Variants in EVL observed in about 807,000 individuals in gnomAD.
EVL encodes the protein ena/VASP-like protein.
EVL carries 21 observed loss-of-function variants against 59.6 expected under a neutral mutation model. That is an observed-to-expected ratio of 0.35 (90% confidence interval 0.25 to 0.51). EVL has a LOEUF of 0.51. Ranked by LOEUF, EVL falls within the 20% of genes least tolerant of loss-of-function variation. The pLI is 0.97. For missense variants in EVL, 462 were observed against 546.6 expected, an observed-to-expected ratio of 0.85 and a Z score of 1.54; for synonymous variants, 198 against 203.5, an observed-to-expected ratio of 0.97 and a Z score of 0.23.
rs545991176 is a variant in EVL, at chr14:99,972,620, C to T, written c.5+563C>T. 6.6e-6 allele frequency among the ~76,000 whole-genome samples: 1 copy of T among 152,076 alleles called. No homozygotes were observed. Among genetic ancestry groups the T allele is most frequent in the Non-Finnish European group, 1.5e-5 (1 of 68,010 alleles). The stretch of plus-strand genomic sequence containing the variant: ...AACCCCCCTTTTTTTTCTTCTTGCA[C>T]GCCAGTAAAGTGCAAGGCCCCCAAA... On this transcript the variant is annotated intron_variant, in intron 1 of 13. Coordinates refer to the EVL transcript ENST00000402714. The surrounding 1 kb of genome is among the most constrained non-coding windows in gnomAD (Gnocchi z 4.4).
intron 2 of EVL, among the ~76,000 whole-genome samples, chr14:100,088,614 G>A (rs1176199809): frequency 6.6e-6 from 1 of 152,142 alleles, no homozygotes; most frequent in Non-Finnish European, 1.5e-5. Flanking sequence ...CATAGAAAAA[G>A]TATAGTAAAA....
chr14:99,977,251 G>A (rs2060776316), intron 1 of EVL: 1 of 152,068 alleles, frequency 6.6e-6, no homozygotes, highest in Non-Finnish European at 1.5e-5. Flanking sequence ...GAAAAAAATA[G>A]CAGTTTAGCT....
intron 1 of EVL, among the ~76,000 whole-genome samples, chr14:100,017,677 G>T (rs2061061491): frequency 6.6e-6 from 1 of 152,190 alleles, no homozygotes; most frequent in Non-Finnish European, 1.5e-5. Flanking sequence ...GTTATTTAAT[G>T]ACTTGAATAT....
chr14:100,004,181 G>A (rs1370586839), intron 1 of EVL, among the ~76,000 whole-genome samples: 1 of 152,216 alleles, frequency 6.6e-6, no homozygotes, highest in Non-Finnish European at 1.5e-5. Context: ...TCCAGCCTGG[G>A]CGACAGAGTG....
intron 1 of EVL, among the ~76,000 whole-genome samples, chr14:99,999,861 G>A (rs980723421): frequency 6.6e-6 from 1 of 152,112 alleles, no homozygotes; most frequent in African/African-American, 2.4e-5. Context: ...GGGCAAAAGG[G>A]GCTCTGTGCT....
chr14:100,099,208 G>A (rs921426422), intron 3 of EVL, among the ~76,000 whole-genome samples: 2 of 150,974 alleles, frequency 1.3e-5, no homozygotes, highest in Middle Eastern at 3.2e-3. Flanking sequence ...AAGAAAAAGT[G>A]TGTACTGGGC....
chr14:99,997,844 G>A lies in EVL; in HGVS notation c.5+25787G>A, dbSNP rs114546346. On this transcript the variant is annotated intron_variant, in intron 1 of 13. Transcript: ENST00000402714. ...TCCTCCCTTACCTCTCCTTTCCTAA[G>A]GGGAAATACTCTATACAGTTCCCTT... 4.3e-3 allele frequency among the ~76,000 whole-genome samples: 661 copies of A among 152,174 alleles called. 4 individuals carry two copies. Among genetic ancestry groups the A allele is most frequent in the African/African-American group, 0.015 (630 of 41,522 alleles).
At chr14:100,035,894 C>T (rs576226842) in intron 1 of EVL, among the ~76,000 whole-genome samples, 2 of 152,272 alleles carry the variant, frequency 1.3e-5, no homozygotes, top group Admixed American at 6.5e-5. Flanking sequence ...GCACATGACC[C>T]AGACCTGGCC....
intron 2 of EVL, among the ~76,000 whole-genome samples, chr14:100,091,129 C>T (rs1386248787): frequency 6.6e-6 from 1 of 152,176 alleles, no homozygotes; most frequent in African/African-American, 2.4e-5. Context: ...AGAATGTCGG[C>T]GTGCTGCCCG....
intron 2 of EVL, among the ~76,000 whole-genome samples, chr14:100,094,072 G>T (rs1885633437): frequency 6.6e-6 from 1 of 152,132 alleles, no homozygotes; most frequent in African/African-American, 2.4e-5. Flanking sequence ...GGTATCCACT[G>T]GGGGTCTTGG....
intron 1 of EVL, among the ~76,000 whole-genome samples, chr14:99,983,050 C>T (rs145536142): frequency 6.6e-6 from 1 of 152,184 alleles, no homozygotes; most frequent in African/African-American, 2.4e-5. Context: ...CTCCACCCCA[C>T]CCCAGCCTCA....
intron 3 of EVL, among the ~76,000 whole-genome samples, chr14:100,099,133 C>T (rs772486626): frequency 2.6e-4 from 36 of 137,562 alleles, no homozygotes; most frequent in African/African-American, 3.4e-4. Flanking sequence ...ACTTGAGGTC[C>T]GGAGTTCAAG....
rs558295039 is a variant in EVL, at chr14:99,972,392, G to A, written c.5+335G>A. On this transcript the variant is annotated intron_variant, in intron 1 of 13. Coordinates refer to the EVL transcript ENST00000402714. The surrounding 1 kb of genome is among the most constrained non-coding windows in gnomAD (Gnocchi z 4.4). ...CCTGGGAGGCAGACCCCCGCGGGCAGGTGTGGCCGTGTCCCGACCGCGCGA... is the reference window on the plus strand; with the variant it reads ...CCTGGGAGGCAGACCCCCGCGGGCAAGTGTGGCCGTGTCCCGACCGCGCGA... 9.7e-4 allele frequency among the ~76,000 whole-genome samples: 148 copies of A among 152,222 alleles called. No individual in the cohort carries two copies. The highest frequency in any genetic ancestry group is 3.4e-3 in the African/African-American group (141 of 41,550).
intron 2 of EVL, 65 bp downstream of exon 2, chr14:100,084,920 T>TA: frequency 1.3e-6 from 2 of 1,548,780 alleles, no homozygotes; most frequent in Non-Finnish European, 1.8e-6. Context: ...GCCCACCCCT[T>TA]ACACACATGT....
At chr14:99,992,643 A>G (rs2060883000) in intron 1 of EVL, among the ~76,000 whole-genome samples, 1 of 152,198 alleles carries the variant, frequency 6.6e-6, no homozygotes, top group Non-Finnish European at 1.5e-5. Flanking sequence ...TCTTTGGCAT[A>G]TGAATATTCA....
chr14:100,066,904 G>A (rs1233365413), intron 1 of EVL, among the ~76,000 whole-genome samples: 1 of 152,148 alleles, frequency 6.6e-6, no homozygotes, highest in Non-Finnish European at 1.5e-5. Context: ...CTGCTTTTAT[G>A]TTTTCTATGT....
chr14:99,990,552 AT>A (rs1260124622), intron 1 of EVL, among the ~76,000 whole-genome samples: 1 of 152,040 alleles, frequency 6.6e-6, no homozygotes, highest in Non-Finnish European at 1.5e-5. Context: ...CGTTTCTATG[AT>A]TTTGACTACT....
chr14:100,010,308 T>C (rs2061008246), intron 1 of EVL, among the ~76,000 whole-genome samples: 1 of 152,202 alleles, frequency 6.6e-6, no homozygotes, highest in Admixed American at 6.5e-5. Flanking sequence ...ATTTATGGTT[T>C]GTAGGGCGTG....
At chr14:100,029,264 C>CT (rs1365800538) in intron 1 of EVL, among the ~76,000 whole-genome samples, 1 of 152,206 alleles carries the variant, frequency 6.6e-6, no homozygotes, top group African/African-American at 2.4e-5. Flanking sequence ...ACTTGGGTCT[C>CT]TATGTCTCCT....
Sources: gnomAD v4.1 joint callset for allele counts (sites outside exome capture counted in the v4.1 genomes callset) on GRCh38, gnomAD v4.1.1 for gene constraint, Gnocchi (gnomAD v3.1) non-coding constraint, MANE v1.5 for transcripts, NCBI Gene and HGNC (gene_info 2026-07-23, HGNC 2026-07-21) for gene names.